Variants in LINGO2 observed in about 807,000 individuals in gnomAD.
The protein encoded by LINGO2 is leucine-rich repeat and immunoglobulin-like domain-containing nogo receptor-interacting protein 2.
A neutral mutation model predicts 30.6 loss-of-function variants in LINGO2; 14 were observed. That is an observed-to-expected ratio of 0.46 (90% CI 0.30 to 0.72). LINGO2 has a LOEUF of 0.72. Among genes scored for constraint, LINGO2 ranks in the 30% least tolerant of loss-of-function variants. The probability of loss-of-function intolerance (pLI) is 0.07; values close to 1 mark genes in which losing one functional copy is unlikely to be tolerated. For missense variants in LINGO2, 729 were observed against 751.7 expected (o/e 0.97, Z 0.35); for synonymous variants, 317 against 288.5 (o/e 1.10, Z -1.00).
chr9:28,047,405 T>C (rs1422306266), intron 4 of LINGO2, among the ~76,000 whole-genome samples: 1 of 141,016 alleles, frequency 7.1e-6, no homozygotes, highest in Non-Finnish European at 1.5e-5. Context: ...TTCAAACAGA[T>C]AGTGGCCTTC....
rs371710270 is a variant in LINGO2, at chr9:28,325,304, T to C, written c.-245-29938A>G. The stretch of plus-strand genomic sequence containing the variant: ...TTGCCAGTTACACAACTTAGAAAAG[T>C]CTTTTTTAAGGACCTAGGAGTCATA... On this transcript the variant is annotated intron_variant, in intron 3 of 5. Transcript: ENST00000379992. Among the ~76,000 whole-genome samples the C allele has an allele frequency of 1.1e-4, 16 of 152,246 alleles. No individual in the cohort carries two copies. In the East Asian group the frequency reaches 2.5e-3, roughly 24 times the overall value.
At chr9:28,434,897 T>C (rs776885922) in intron 2 of LINGO2, among the ~76,000 whole-genome samples, 4 of 152,146 alleles carry the variant, frequency 2.6e-5, no homozygotes, top group Non-Finnish European at 5.9e-5. Flanking sequence ...AACACTGATA[T>C]AACCCATGAA....
At chr9:29,055,912 G>A in the LINGO2 span, among the ~76,000 whole-genome samples, 5 of 109,310 alleles carry the variant, frequency 4.6e-5, no homozygotes, top group African/African-American at 1.4e-4. Flanking sequence ...TTTTATGGCC[G>A]AGTAGTATCC....
At position 28,003,394 on chromosome 9, in the gene LINGO2, G is replaced by A. The variant is rs958410019; in HGVS notation, c.-36+8961C>T. Among the ~76,000 whole-genome samples, 7 of 151,018 alleles carry A rather than the reference G, an allele frequency of 4.6e-5. No individual in the cohort carries two copies. The South Asian group carries it at 8.4e-4, about 18-fold the overall frequency. On this transcript the variant is annotated intron_variant, in intron 5 of 5. Coordinates refer to ENST00000379992, the Ensembl canonical transcript of LINGO2. ...AGATAGATAGATAGATATAGAGAGA[G>A]AGAGAGTTAGAGAGTTCACATTTAT...
the LINGO2 span, among the ~76,000 whole-genome samples, chr9:28,773,681 A>T: frequency 6.6e-6 from 1 of 152,190 alleles, no homozygotes; most frequent in Admixed American, 6.5e-5. Flanking sequence ...ACCAAATAGT[A>T]AGATGATATT....
the LINGO2 span, among the ~76,000 whole-genome samples, chr9:28,780,616 A>G: frequency 6.6e-6 from 1 of 152,064 alleles, no homozygotes; most frequent in African/African-American, 2.4e-5. Context: ...TCTTACCCTG[A>G]TTTTATTACA....
chr9:28,580,614 T>C (rs1387048194), intron 1 of LINGO2, among the ~76,000 whole-genome samples: 2 of 152,044 alleles, frequency 1.3e-5, no homozygotes, highest in African/African-American at 4.8e-5. Context: ...AGAAATGGAA[T>C]GTTGTATGGT....
chr9:28,052,291 A>G (rs1490964864), intron 4 of LINGO2, among the ~76,000 whole-genome samples: 1 of 152,110 alleles, frequency 6.6e-6, no homozygotes, highest in African/African-American at 2.4e-5. Context: ...GAGAATGGCA[A>G]TTTAAAGTGC....
At position 28,268,178 on chromosome 9, in the gene LINGO2, G is replaced by GTGCT. The variant is rs370119703; in HGVS notation, c.-87+27026_-87+27029dup. On this transcript the variant is annotated intron_variant, in intron 4 of 5. Coordinates refer to ENST00000379992, the Ensembl canonical transcript of LINGO2. ...ATAAAACTAGGTAGCTTTTGAAGAT[G>GTGCT]TGCTCTTGATTTTCTGTAGCCATTC... 2.9e-3 allele frequency among the ~76,000 whole-genome samples: 442 copies of GTGCT among 152,136 alleles called. 3 individuals are homozygous for GTGCT. Among genetic ancestry groups the GTGCT allele is most frequent in the African/African-American group, 0.01 (424 of 41,532 alleles).
In LINGO2 at chr9:28,438,625, A is replaced by G. The variant is rs545018038; in HGVS notation, c.-279+37315T>C. ...AGCGTAAATTTCCTTTTGCATATCT[A>G]CATATGTCCTATTTGTTCTATTTCT... On this transcript the variant is annotated intron_variant, in intron 2 of 5. Transcript: ENST00000379992. 5.9e-5 allele frequency among the ~76,000 whole-genome samples: 9 copies of G among 152,214 alleles called. No homozygotes were observed. The South Asian group carries it at 1.9e-3, about 32-fold the overall frequency.
At chr9:28,669,374 C>G (rs1177511746) in intron 1 of LINGO2, among the ~76,000 whole-genome samples, 1 of 152,084 alleles carries the variant, frequency 6.6e-6, no homozygotes, top group Non-Finnish European at 1.5e-5. Context: ...ACAAGTGATG[C>G]AGTTCCATAT....
chr9:28,789,499 G>C, the LINGO2 span, among the ~76,000 whole-genome samples: 18 of 152,092 alleles, frequency 1.2e-4, no homozygotes, highest in African/African-American at 3.9e-4. Flanking sequence ...CTCTAGGAAA[G>C]ACAGCCCAAA....
At chr9:28,110,051 A>G (rs1826727169) in intron 4 of LINGO2, among the ~76,000 whole-genome samples, 1 of 152,182 alleles carries the variant, frequency 6.6e-6, no homozygotes, top group Non-Finnish European at 1.5e-5. Context: ...ACAGATATCT[A>G]GGACAATGGA....
At chr9:28,847,239 A>G in the LINGO2 span, among the ~76,000 whole-genome samples, 1 of 148,386 alleles carries the variant, frequency 6.7e-6, no homozygotes, top group Admixed American at 6.7e-5. Flanking sequence ...AGGCCTTGGT[A>G]GGCTAATAAG....
At chr9:28,281,207 T>C (rs1490557493) in intron 4 of LINGO2, among the ~76,000 whole-genome samples, 2 of 152,086 alleles carry the variant, frequency 1.3e-5, no homozygotes, top group Non-Finnish European at 2.9e-5. Flanking sequence ...CGCTCTCTGC[T>C]AGCAGGAAGA....
chr9:28,058,684 G>C (rs893921616), intron 4 of LINGO2, among the ~76,000 whole-genome samples: 1 of 151,934 alleles, frequency 6.6e-6, no homozygotes, highest in Non-Finnish European at 1.5e-5. Flanking sequence ...CAATTTATAA[G>C]GTAAATATAG....
rs1822108209 is a variant in LINGO2, at chr9:28,548,857, GGA to G, written c.-364-72834_-364-72833del. ...ACTTCGTTTAACAACTTCACCCAAGGGATATTAACTTTATTCTTAAATACATT... is the reference window on the plus strand; with the variant it reads ...ACTTCGTTTAACAACTTCACCCAAGGTATTAACTTTATTCTTAAATACATT... On this transcript the variant is annotated intron_variant, in intron 1 of 5. Transcript: ENST00000379992. Among the ~76,000 whole-genome samples, 5 of 151,408 alleles carry G rather than the reference GGA, an allele frequency of 3.3e-5. 1 individual carries two copies. The highest frequency in any genetic ancestry group is 1.2e-4 in the African/African-American group (5 of 41,320).
chr9:29,068,074 C>T, the LINGO2 span, among the ~76,000 whole-genome samples: 3 of 151,752 alleles, frequency 2.0e-5, no homozygotes, highest in Admixed American at 2.0e-4. Flanking sequence ...AATGACTGAA[C>T]AAAACATTTA....
chr9:28,148,559 G>A lies in LINGO2; in HGVS notation c.-86-136154C>T. 1 of 1,495,064 alleles carries A rather than the reference G, an allele frequency of 6.7e-7. No individual in the cohort carries two copies. Among genetic ancestry groups the A allele is most frequent in the Non-Finnish European group, 9.0e-7 (1 of 1,111,048 alleles). The allele number at this position is 1,495,064 out of a possible 1,614,324, so 92.6% of individuals were successfully genotyped here. A position where few individuals can be genotyped will look rare whatever the true frequency, so the allele number is the denominator to read the frequency against. On this transcript the variant is annotated intron_variant, in intron 4 of 5. Coordinates refer to ENST00000379992, the Ensembl canonical transcript of LINGO2. The surrounding 1 kb of genome is among the most constrained non-coding windows in gnomAD (Gnocchi z 5.1). ...AGCAGCTTCCACCTCTAGGCCCCTG[G>A]AGACTCAGGGAAACTTCACTTCCTC... is the stretch of plus-strand genomic sequence containing the variant.
Sources: allele counts gnomAD v4.1 joint callset (sites outside exome capture counted in the v4.1 genomes callset), GRCh38; gene constraint gnomAD v4.1.1; non-coding constraint Gnocchi (gnomAD v3.1); transcripts MANE v1.5; gene names NCBI Gene and HGNC (gene_info 2026-07-23, HGNC 2026-07-21).